The following TANGO2 variants were observed in gnomAD, a reference collection of about 807,000 sequenced individuals.
The protein encoded by TANGO2 is transport and Golgi organization protein 2 homolog.
Under a neutral mutation model 39.1 loss-of-function variants are expected in TANGO2, and 26 were observed. That is an observed-to-expected ratio of 0.67 (90% CI 0.49 to 0.92). TANGO2 has a LOEUF of 0.92. TANGO2 is among the 40% of genes least tolerant of loss of function. TANGO2 has a pLI of 0.00. For missense variants in TANGO2, 326 were observed against 360.1 expected, an observed-to-expected ratio of 0.91 and a Z score of 0.77; for synonymous variants, 131 against 144.5, an observed-to-expected ratio of 0.91 and a Z score of 0.67.
At chr22:20,018,208 A>G (rs1302316930), upstream of TANGO2, among the ~76,000 whole-genome samples, 3 of 152,194 alleles carry the variant, frequency 2.0e-5, no homozygotes, top group Non-Finnish European at 2.9e-5. Flanking sequence ...GGCAGCTACT[A>G]TCAATCGATT....
At chr22:20,047,539 G>A (rs1242924486) in intron 3 of TANGO2, among the ~76,000 whole-genome samples, 2 of 152,104 alleles carry the variant, frequency 1.3e-5, no homozygotes, top group Non-Finnish European at 2.9e-5. Flanking sequence ...CCAGCCCGGG[G>A]ATCAGATTTT....
chr22:20,047,216 G>GT (rs1474130443), intron 3 of TANGO2, among the ~76,000 whole-genome samples: 1 of 147,328 alleles, frequency 6.8e-6, no homozygotes, highest in Non-Finnish European at 1.5e-5. Flanking sequence ...CTGGGGATCA[G>GT]TTTTTTGGTT....
intron 1 of TANGO2, among the ~76,000 whole-genome samples, chr22:20,027,090 A>G (rs564278254): frequency 5.1e-4 from 77 of 152,298 alleles, no homozygotes; most frequent in African/African-American, 1.4e-3. Flanking sequence ...CAATCATGGC[A>G]GAAGGAAAAG....
chr22:20,042,644 A>G (rs1396774206), intron 2 of TANGO2, among the ~76,000 whole-genome samples: 1 of 152,124 alleles, frequency 6.6e-6, no homozygotes, highest in East Asian at 1.9e-4. Flanking sequence ...GGGTGCCTGT[A>G]ATCCCAGCTA....
intron 1 of TANGO2, among the ~76,000 whole-genome samples, chr22:20,031,197 CA>C (rs34301152): frequency 1.7e-4 from 25 of 145,508 alleles, no homozygotes; most frequent in African/African-American, 2.8e-4. Context: ...GACTCTGTCT[CA>C]AAAAAAAAAA....
At position 20,057,615 on chromosome 22, in the gene TANGO2, C is replaced by T. The variant is rs1359026640; in HGVS notation, c.451+1602C>T. Among the ~76,000 whole-genome samples, 1 of 152,224 alleles carries T rather than the reference C, an allele frequency of 6.6e-6. No homozygotes were observed. The highest frequency in any genetic ancestry group is 1.5e-5 in the Non-Finnish European group (1 of 68,032). ...TACCAGCGAGGCAGGGATGTGGCCC[C>T]AGAAGGTCCTGAGCTTGCAAAGGAT... On this transcript the variant is annotated intron_variant, in intron 6 of 8. Transcript: ENST00000327374. The surrounding 1 kb of genome is among the most constrained non-coding windows in gnomAD (Gnocchi z 4.1).
At chr22:20,052,706 G>A in intron 4 of TANGO2, 122 bp downstream of exon 4, 1 of 1,286,368 alleles carries the variant, frequency 7.8e-7, no homozygotes, top group East Asian at 2.5e-5. Flanking sequence ...GCGGGCCAAG[G>A]TAGGAAGTGC....
intron 1 of TANGO2, among the ~76,000 whole-genome samples, chr22:20,023,951 A>G (rs1476771): frequency 0.47 from 71,825 of 151,856 alleles, 19,363 homozygotes; most frequent in African/African-American, 0.75. Context: ...GGAGGCCGAG[A>G]CAGGTGGATC....
In TANGO2 at chr22:20,021,115, C is replaced by A; in HGVS notation, c.-171C>A. On this transcript the variant is annotated 5_prime_UTR_variant, in exon 1 of 9. Transcript: ENST00000327374. ...GCGCGCGGGCGCGGCACCCGGAAGT[C>A]GGCGGCGGTGGCGGAGGCGGTGAGT... 2 of 153,700 alleles carry A rather than the reference C, an allele frequency of 1.3e-5. No individual in the cohort carries two copies. Among genetic ancestry groups the A allele is most frequent in the South Asian group, 3.8e-4 (2 of 5,214 alleles). 9.5% of individuals were successfully genotyped at this position (153,700 alleles called of 1,614,324 possible).
chr22:20,045,746 G>C (rs1054152788), intron 3 of TANGO2, among the ~76,000 whole-genome samples: 3 of 151,878 alleles, frequency 2.0e-5, no homozygotes, highest in South Asian at 4.2e-4. Flanking sequence ...CAGGTGATCC[G>C]CCCGCCTTGT....
intron 8 of TANGO2, 104 bp from the exon 9 acceptor site, chr22:20,064,438 G>T (rs1237116337): frequency 7.0e-7 from 1 of 1,436,792 alleles, no homozygotes; most frequent in African/African-American, 1.4e-5. Context: ...CCAGGCATGG[G>T]GTTCCTAACT....
intron 1 of TANGO2, among the ~76,000 whole-genome samples, chr22:20,028,557 G>A (rs2041230463): frequency 1.3e-5 from 2 of 152,366 alleles, no homozygotes; most frequent in Middle Eastern, 6.8e-3. Context: ...CCTTAGGCTG[G>A]GGCACAGAGA....
Position 20,064,584 on chromosome 22 carries a change from C to T in TANGO2, c.753C>T (p.Thr251=), listed in dbSNP as rs780680444. 1 of 1,614,196 alleles carries T rather than the reference C, an allele frequency of 6.2e-7. No homozygotes were observed. The highest frequency in any genetic ancestry group is 1.1e-5 in the South Asian group (1 of 91,092). The part of the protein sequence containing the change: ...IILVDADGHV[T]FTERSMMDKD... The stretch of plus-strand genomic sequence containing the variant: ...TGGTAGATGCGGACGGCCACGTGAC[C>T]TTCACTGAGCGTAGCATGATGGACA... The change falls in exon 9 of 9, where the codon ACC becomes ACT. Residue 251 remains threonine, a synonymous_variant. Coordinates refer to ENST00000327374, the MANE Select transcript of TANGO2 (RefSeq NM_152906.7).
At chr22:20,027,179 C>T (rs150136450) in intron 1 of TANGO2, among the ~76,000 whole-genome samples, 5 of 152,110 alleles carry the variant, frequency 3.3e-5, no homozygotes, top group African/African-American at 9.7e-5. Context: ...AACCAGATCT[C>T]GTGAGAACTC....
At chr22:20,045,181 A>C (rs546232037) in intron 3 of TANGO2, among the ~76,000 whole-genome samples, 52 of 151,940 alleles carry the variant, frequency 3.4e-4, no homozygotes, top group African/African-American at 1.2e-3. Flanking sequence ...CACACCTGTA[A>C]TCTCAGCACT....
intron 6 of TANGO2, among the ~76,000 whole-genome samples, chr22:20,059,741 T>G (rs1351865361): frequency 6.6e-6 from 1 of 152,198 alleles, no homozygotes; most frequent in East Asian, 1.9e-4. Context: ...GACTTATACA[T>G]TCATTCTAGC....
At chr22:20,023,494 G>A (rs1207820060) in intron 1 of TANGO2, among the ~76,000 whole-genome samples, 1 of 152,206 alleles carries the variant, frequency 6.6e-6, no homozygotes, top group African/African-American at 2.4e-5. Context: ...TGATCCTCTG[G>A]TGTGAGGCTG....
At chr22:20,056,360 C>G (rs1475184002) in intron 6 of TANGO2, 1 of 530,634 alleles carries the variant, frequency 1.9e-6, no homozygotes, top group Non-Finnish European at 3.6e-6. Context: ...CTGGAGCCAT[C>G]ACCACCTGGG....
chr22:20,054,968 T>C (rs935382652), intron 5 of TANGO2: 2 of 151,728 alleles, frequency 1.3e-5, no homozygotes, highest in African/African-American at 2.4e-5. Context: ...CCAAAGACCA[T>C]GGTGAGGAAG....
Sources: allele counts gnomAD v4.1 joint callset (sites outside exome capture counted in the v4.1 genomes callset), GRCh38; gene constraint gnomAD v4.1.1; non-coding constraint Gnocchi (gnomAD v3.1); transcripts MANE v1.5; gene names NCBI Gene and HGNC (gene_info 2026-07-23, HGNC 2026-07-21).